SEMA3C: variants seen among roughly 807,000 people sequenced by gnomAD.
SEMA3C encodes the protein semaphorin 3C.
A neutral mutation model predicts 89.4 loss-of-function variants in SEMA3C; 47 were observed. The ratio of observed to expected loss-of-function variants is 0.53; its 90% CI spans 0.42 to 0.67. SEMA3C has a LOEUF of 0.67. Ranked by LOEUF, SEMA3C falls within the 30% of genes least tolerant of loss-of-function variation. The pLI is 0.00. For missense variants in SEMA3C, 839 were observed against 929.1 expected (o/e 0.90, Z 1.26); for synonymous variants, 310 against 320.2 (o/e 0.97, Z 0.34).
intron 5 of SEMA3C, among the ~76,000 whole-genome samples, chr7:80,813,668 T>G (rs1174702319): frequency 1.3e-5 from 2 of 152,342 alleles, no homozygotes; most frequent in Admixed American, 6.5e-5. Flanking sequence ...GCACCTTAGA[T>G]TTCCATTATT....
chr7:80,771,181 G>C (rs191002118), intron 12 of SEMA3C, among the ~76,000 whole-genome samples: 3 of 152,286 alleles, frequency 2.0e-5, no homozygotes, highest in East Asian at 3.9e-4. Flanking sequence ...TCAGTAAATG[G>C]AAGTTATGTT....
intron 5 of SEMA3C, among the ~76,000 whole-genome samples, chr7:80,811,451 T>G (rs569796569): frequency 7.2e-5 from 11 of 152,132 alleles, no homozygotes; most frequent in Non-Finnish European, 1.3e-4. Context: ...GGCAATAGAT[T>G]CAATGGTTTT....
At chr7:80,911,051 A>C (rs1411273214) in intron 2 of SEMA3C, among the ~76,000 whole-genome samples, 1 of 152,140 alleles carries the variant, frequency 6.6e-6, no homozygotes, top group East Asian at 1.9e-4. Context: ...CAGAGAGGTA[A>C]TTCCCCTCAT....
At chr7:80,898,883 T>C (rs1026687116) in intron 2 of SEMA3C, among the ~76,000 whole-genome samples, 10 of 151,604 alleles carry the variant, frequency 6.6e-5, no homozygotes, top group African/African-American at 2.4e-4. Flanking sequence ...ATGAATTCTA[T>C]CCCAAAGTCT....
intron 12 of SEMA3C, among the ~76,000 whole-genome samples, chr7:80,788,054 G>T (rs963123412): frequency 3.3e-5 from 5 of 152,006 alleles, no homozygotes; most frequent in Admixed American, 2.6e-4. Flanking sequence ...AATAAAAAAA[G>T]GATAAAATAA....
intron 2 of SEMA3C, among the ~76,000 whole-genome samples, chr7:80,863,088 G>A (rs1790810519): frequency 6.6e-6 from 1 of 151,922 alleles, no homozygotes. Context: ...TAAATAGTTG[G>A]GACTTAATTA....
chr7:80,870,836 A>G (rs541731438), intron 2 of SEMA3C, among the ~76,000 whole-genome samples: 1 of 152,266 alleles, frequency 6.6e-6, no homozygotes, highest in East Asian at 1.9e-4. Context: ...GAGTTTAGAC[A>G]CTTGTGCCTT....
intron 2 of SEMA3C, among the ~76,000 whole-genome samples, chr7:80,887,710 C>T (rs1791516395): frequency 6.6e-6 from 1 of 152,086 alleles, no homozygotes; most frequent in Non-Finnish European, 1.5e-5. Context: ...GCTGCTTATC[C>T]TGAGTAAAAA....
At position 80,841,260 on chromosome 7, in the gene SEMA3C, TTAAG is replaced by T. The variant is rs541529280; in HGVS notation, c.104-12519_104-12516del. On this transcript the variant is annotated intron_variant, in intron 2 of 17. Transcript: ENST00000265361. The stretch of plus-strand genomic sequence containing the variant: ...AGCAAGATTGCTTCATGATACAATA[TTAAG>T]TGAGTAAAGCAGAATAAAAATATTT... 2.6e-5 allele frequency among the ~76,000 whole-genome samples: 4 copies of T among 152,266 alleles called. No homozygotes were observed. In the South Asian group the frequency reaches 6.2e-4, roughly 24 times the overall value.
chr7:80,878,319 G>A (rs1371972175), intron 2 of SEMA3C, among the ~76,000 whole-genome samples: 5 of 151,984 alleles, frequency 3.3e-5, no homozygotes, highest in South Asian at 2.1e-4. Context: ...CGGAGGTTGC[G>A]GTGAGCCGAG....
intron 2 of SEMA3C, among the ~76,000 whole-genome samples, chr7:80,861,129 T>G (rs914941798): frequency 3.3e-5 from 5 of 152,070 alleles, no homozygotes; most frequent in African/African-American, 4.8e-5. Context: ...GGGCAGACTT[T>G]CAGTATAAAA....
chr7:80,819,600 C>A (rs1218508145), intron 4 of SEMA3C, among the ~76,000 whole-genome samples: 1 of 152,186 alleles, frequency 6.6e-6, no homozygotes, highest in African/African-American at 2.4e-5. Flanking sequence ...TGAGGAATGA[C>A]ATAATCAATC....
At chr7:80,819,592 A>C (rs1036683334) in intron 4 of SEMA3C, among the ~76,000 whole-genome samples, 4 of 152,192 alleles carry the variant, frequency 2.6e-5, no homozygotes, top group Non-Finnish European at 5.9e-5. Context: ...GCCTTCTATG[A>C]GGAATGACAT....
At chr7:80,887,347 A>C (rs540573390) in intron 2 of SEMA3C, among the ~76,000 whole-genome samples, 1 of 152,300 alleles carries the variant, frequency 6.6e-6, no homozygotes, top group African/African-American at 2.4e-5. Context: ...GATTTATTGA[A>C]ACTTTATGTG....
chr7:80,777,909 A>G (rs1788587754), intron 12 of SEMA3C, among the ~76,000 whole-genome samples: 1 of 152,220 alleles, frequency 6.6e-6, no homozygotes. Flanking sequence ...AAAATCAGAA[A>G]ACAACAAAAT....
chr7:80,863,819 A>G (rs73374829), intron 2 of SEMA3C, among the ~76,000 whole-genome samples: 7,709 of 128,268 alleles, frequency 0.06, 580 homozygotes, highest in African/African-American at 0.18. Flanking sequence ...TGATACATAT[A>G]TATGTGATAT....
chr7:80,858,591 A>T (rs1007768827), intron 2 of SEMA3C, among the ~76,000 whole-genome samples: 1 of 152,212 alleles, frequency 6.6e-6, no homozygotes, highest in Non-Finnish European at 1.5e-5. Flanking sequence ...ATTATTAAAT[A>T]AATAATAGGC....
Position 80,851,444 on chromosome 7 carries a change from C to T in SEMA3C, c.104-22699G>A, listed in dbSNP as rs147313484. ...GCTTGAACCTGGGAAGCGGAGGTTG[C>T]AGTGAGCCGAGGTCGTGCCACTGCG... On this transcript the variant is annotated intron_variant, in intron 2 of 17. Coordinates refer to ENST00000265361, the MANE Select transcript of SEMA3C (RefSeq NM_006379.5). Among the ~76,000 whole-genome samples the T allele has an allele frequency of 1.7e-3, 235 of 136,468 alleles. 3 individuals are homozygous for T. Among genetic ancestry groups the T allele is most frequent in the Non-Finnish European group, 5.5e-4 (36 of 65,906 alleles). 89.5% of individuals were successfully genotyped at this position (136,468 alleles called of 152,430 possible).
At chr7:80,835,213 A>G (rs1790098158) in intron 2 of SEMA3C, among the ~76,000 whole-genome samples, 1 of 152,172 alleles carries the variant, frequency 6.6e-6, no homozygotes, top group African/African-American at 2.4e-5. Context: ...TAATTTGTTC[A>G]ATATACATTT....
Sources: gnomAD v4.1 joint callset for allele counts (sites outside exome capture counted in the v4.1 genomes callset) on GRCh38, gnomAD v4.1.1 for gene constraint, MANE v1.5 for transcripts, NCBI Gene and HGNC (gene_info 2026-07-23, HGNC 2026-07-21) for gene names.